The following ATP2B3 variants were observed in gnomAD, a reference collection of about 807,000 sequenced individuals.
ATP2B3 encodes the protein plasma membrane calcium-transporting ATPase 3.
A neutral mutation model predicts 70.8 loss-of-function variants in ATP2B3; 12 were observed. That is an observed-to-expected ratio of 0.17 (90% CI 0.11 to 0.27). ATP2B3 has a LOEUF of 0.27. ATP2B3 is among the 10% of genes least tolerant of loss of function. The probability of loss-of-function intolerance (pLI) is 1.00; values close to 1 mark genes in which losing one functional copy is unlikely to be tolerated. For synonymous variants in ATP2B3, 460 were observed against 497.8 expected (o/e 0.92, Z 1.01); for missense variants, 858 against 1,118.5 (o/e 0.77, Z 3.32).
chrX:153,522,657 C>G (rs1556998228), intron 2 of ATP2B3, among the ~76,000 whole-genome samples: 1 of 112,310 alleles, frequency 8.9e-6, no homozygotes, highest in Non-Finnish European at 1.9e-5. Context: ...CATGTACTCT[C>G]CAGGGGCTGC....
intron 2 of ATP2B3, among the ~76,000 whole-genome samples, chrX:153,529,675 T>A (rs1170351210): frequency 2.7e-5 from 3 of 112,187 alleles, no homozygotes; most frequent in African/African-American, 9.7e-5. Flanking sequence ...CAGAACTTGT[T>A]CGTCTTCCCA....
At chrX:153,576,808 G>A (rs2090862840) in intron 21 of ATP2B3, among the ~76,000 whole-genome samples, 1 of 111,822 alleles carries the variant, frequency 8.9e-6, no homozygotes, top group African/African-American at 3.3e-5. Context: ...CACCCAGGTA[G>A]GAGTGCAGCC....
intron 9 of ATP2B3, 140 bp downstream of exon 9, chrX:153,548,139 C>A: frequency 2.3e-6 from 2 of 864,321 alleles, no homozygotes; most frequent in Non-Finnish European, 3.1e-6. Flanking sequence ...GGCAAGGGCA[C>A]AGGCCAGGCC....
rs1364571361 is a variant in ATP2B3, at chrX:153,582,703, G to C, written c.*2405G>C. The C allele has an allele frequency of 8.9e-6, 1 of 112,531 alleles. No homozygotes were observed. Among genetic ancestry groups the C allele is most frequent in the Non-Finnish European group, 1.9e-5 (1 of 53,256 alleles). 9.3% of individuals were successfully genotyped at this position (112,531 alleles called of 1,213,427 possible). A position where few individuals can be genotyped will look rare whatever the true frequency, so the allele number is the denominator to read the frequency against. ...GCTGGGGGCCCTGTCTCATTGGGAA[G>C]CCCCTCTTTATAAAGCATTATATTA... is the stretch of plus-strand genomic sequence containing the variant. On this transcript the variant is annotated 3_prime_UTR_variant, in exon 22 of 22. Transcript: ENST00000263519.
intron 21 of ATP2B3, among the ~76,000 whole-genome samples, chrX:153,578,218 A>G (rs1201618361): frequency 8.9e-6 from 1 of 112,672 alleles, no homozygotes; most frequent in Non-Finnish European, 1.9e-5. Context: ...CACCTTGTCT[A>G]AACCCAGAAA....
At position 153,562,212 on chromosome X, in the gene ATP2B3, T is replaced by C. The variant is rs139273069; in HGVS notation, c.3129T>C (p.Phe1043=). The C allele has an allele frequency of 2.8e-5, 34 of 1,211,412 alleles. No individual in the cohort carries two copies. Among genetic ancestry groups the C allele is most frequent in the Non-Finnish European group, 3.8e-5 (34 of 895,194 alleles). Residue 1043 remains phenylalanine (F), a synonymous_variant, in exon 20 of 22, where the codon TTT becomes TTC. Coordinates refer to ENST00000263519, the MANE Select transcript of ATP2B3 (RefSeq NM_001001344.3). ...CAGAACAGTGGCTCTGGTGCCTGTT[T>C]GTTGGTGTTGGGGAGCTGGTCTGGG... is the stretch of plus-strand genomic sequence containing the variant. ...LSTEQWLWCL[F]VGVGELVWGQ...
At chrX:153,556,825 G>A in intron 15 of ATP2B3, 92 bp from the exon 16 acceptor site, 1 of 968,846 alleles carries the variant, frequency 1.0e-6, no homozygotes, top group Non-Finnish European at 1.4e-6. Flanking sequence ...GGTTTTCACA[G>A]CCAACCTACC....
At chrX:153,521,972 C>T (rs2089965521) in intron 2 of ATP2B3, among the ~76,000 whole-genome samples, 1 of 112,369 alleles carries the variant, frequency 8.9e-6, no homozygotes, top group Non-Finnish European at 1.9e-5. Context: ...CACAAGGCCA[C>T]TAATGCAGCA....
chrX:153,575,529 C>A (rs914439832), intron 21 of ATP2B3, among the ~76,000 whole-genome samples: 2 of 111,479 alleles, frequency 1.8e-5, no homozygotes, highest in Admixed American at 9.5e-5. Flanking sequence ...CAGTGGAGGG[C>A]TTGTAGCGGG....
chrX:153,556,893 G>GT lies in ATP2B3; in HGVS notation c.2327-24_2327-23insT, dbSNP rs782107894. On this transcript the variant is annotated intron_variant, in intron 15 of 21. Coordinates refer to ENST00000263519, the MANE Select transcript of ATP2B3 (RefSeq NM_001001344.3). ...TGTGGTGACAGATGGCCCCAGCCCT[G>GT]CCCTGCCCTGATCTGTCTTCCAGGG... 1.8e-5 allele frequency: 21 copies of GT among 1,167,837 alleles called. No homozygotes were observed. In the Admixed American group the frequency reaches 5.3e-4, roughly 29 times the overall value.
In ATP2B3 at chrX:153,550,063, G is replaced by A. The variant is rs782080544; in HGVS notation, c.1600G>A (p.Ala534Thr). Residue 534 changes from alanine (A) to threonine (T), a missense_variant, in exon 12 of 22, where the codon GCC (alanine) becomes ACC (threonine). Physicochemically the swap from Ala to Thr is moderately conservative, Grantham distance 58 (BLOSUM62 0). This residue lies in a region of ATP2B3 where 242 missense variants were observed against 281.3 expected (regional missense o/e 0.86). Transcript: ENST00000263519. ...TKILPPEKEG[A>T]LPRQVGNKTE... ...CTTGCAGCCTCCTGAGAAGGAAGGCGCCCTCCCACGCCAGGTGGGCAATAA... is the reference window on the plus strand; with the variant it reads ...CTTGCAGCCTCCTGAGAAGGAAGGCACCCTCCCACGCCAGGTGGGCAATAA... The A allele has an allele frequency of 5.8e-6, 7 of 1,209,737 alleles. No homozygotes were observed. The highest frequency in any genetic ancestry group is 2.2e-5 in the Admixed American group (1 of 46,029).
chrX:153,553,511 G>A (rs367652433), intron 13 of ATP2B3, among the ~76,000 whole-genome samples: 4 of 112,318 alleles, frequency 3.6e-5, no homozygotes, highest in African/African-American at 9.7e-5. Context: ...CAGGTGAGAA[G>A]GTGGCAGTGG....
intron 21 of ATP2B3, among the ~76,000 whole-genome samples, chrX:153,578,842 C>T (rs1175468559): frequency 4.5e-5 from 5 of 112,230 alleles, no homozygotes; most frequent in African/African-American, 1.3e-4. Context: ...AGAGGACAGG[C>T]GGAGTGAGGT....
Position 153,579,980 on chromosome X carries a change from C to A in ATP2B3, c.3345C>A (p.Ile1115=). ...FRGLNRIQTQ[I]RVVKAFRSSL... is the part of the protein sequence containing the mutation. ...TGTCCCTCCACCTCCCACTCCAGAT[C>A]CGGGTGGTGAAAGCGTTCCGTAGCT... The change falls in exon 22 of 22, where the codon ATC becomes ATA. Residue 1115 remains isoleucine (I), a splice_region_variant and synonymous_variant. Transcript: ENST00000263519. 1 of 1,202,785 alleles carries A rather than the reference C, an allele frequency of 8.3e-7. No homozygotes were observed. Among genetic ancestry groups the A allele is most frequent in the Non-Finnish European group, 1.1e-6 (1 of 888,366 alleles).
chrX:153,575,205 G>A (rs2090840454), intron 21 of ATP2B3, among the ~76,000 whole-genome samples: 1 of 112,925 alleles, frequency 8.9e-6, no homozygotes. Context: ...AGCCAGCACA[G>A]GAGGCTGGTG....
Position 153,579,983 on chromosome X carries a change from G to C in ATP2B3, c.3348G>C (p.Arg1116=). The C allele has an allele frequency of 8.3e-7, 1 of 1,202,986 alleles. No homozygotes were observed. The highest frequency in any genetic ancestry group is 1.1e-6 in the Non-Finnish European group (1 of 888,630). ...CCCTCCACCTCCCACTCCAGATCCG[G>C]GTGGTGAAAGCGTTCCGTAGCTCGC... ...RGLNRIQTQI[R]VVKAFRSSLY... Residue 1116 remains arginine, a synonymous_variant, in exon 22 of 22, where the codon CGG becomes CGC. Coordinates refer to ENST00000263519, the MANE Select transcript of ATP2B3 (RefSeq NM_001001344.3).
intron 2 of ATP2B3, among the ~76,000 whole-genome samples, chrX:153,526,193 C>T (rs2090030542): frequency 8.9e-6 from 1 of 112,628 alleles, no homozygotes; most frequent in Non-Finnish European, 1.9e-5. Context: ...CAGCTGTGCT[C>T]TCCCGGTGCC....
At chrX:153,566,481 C>T (rs2090708953) in intron 21 of ATP2B3, among the ~76,000 whole-genome samples, 1 of 112,279 alleles carries the variant, frequency 8.9e-6, no homozygotes, top group Admixed American at 9.3e-5. Context: ...GTTCTTGGTG[C>T]CCTGGGTCCT....
intron 7 of ATP2B3, among the ~76,000 whole-genome samples, chrX:153,543,883 G>C (rs2090324526): frequency 9.5e-6 from 1 of 105,770 alleles, no homozygotes; most frequent in African/African-American, 3.4e-5. Flanking sequence ...ACCCGCATGG[G>C]AAAGCTCTGC....
Sources: gnomAD v4.1 joint callset for allele counts (sites outside exome capture counted in the v4.1 genomes callset) on GRCh38, gnomAD v4.1.1 for gene constraint, gnomAD v4.1.1 regional missense constraint, MANE v1.5 for transcripts, NCBI Gene and HGNC (gene_info 2026-07-23, HGNC 2026-07-21) for gene names.